The following CPPED1 variants were observed in gnomAD, a reference collection of about 807,000 sequenced individuals.
CPPED1 encodes the protein serine/threonine-protein phosphatase CPPED1.
A neutral mutation model predicts 28.0 loss-of-function variants in CPPED1; 28 were observed. The ratio of observed to expected loss-of-function variants is 1.00; its 90% CI spans 0.74 to 1.37. The LOEUF is 1.37. Among genes scored for constraint, CPPED1 ranks in the 40% most tolerant of loss-of-function variants. The pLI is 0.00. For missense variants in CPPED1, 504 were observed against 416.5 expected (o/e 1.21, Z -1.83); for synonymous variants, 198 against 180.2 (o/e 1.10, Z -0.79).
At chr16:12,745,006 A>T (rs941619742) in intron 2 of CPPED1, among the ~76,000 whole-genome samples, 1 of 152,146 alleles carries the variant, frequency 6.6e-6, no homozygotes, top group Non-Finnish European at 1.5e-5. Context: ...AAAAGTAAAA[A>T]TAACAGATTA....
intron 2 of CPPED1, among the ~76,000 whole-genome samples, chr16:12,772,413 T>G (rs533595403): frequency 6.6e-6 from 1 of 152,356 alleles, no homozygotes; most frequent in South Asian, 2.1e-4. Flanking sequence ...TCCAGACTTT[T>G]GCAGCCATAT....
intron 2 of CPPED1, among the ~76,000 whole-genome samples, chr16:12,747,339 G>A (rs2080296173): frequency 6.6e-6 from 1 of 151,946 alleles, no homozygotes. Flanking sequence ...GGCTGAGGTA[G>A]GAGGATTGAT....
chr16:12,752,355 G>A (rs1240746501), intron 2 of CPPED1, among the ~76,000 whole-genome samples: 1 of 151,930 alleles, frequency 6.6e-6, no homozygotes, highest in Non-Finnish European at 1.5e-5. Flanking sequence ...TGCTTGATAA[G>A]AAACTCTTAT....
intron 2 of CPPED1, among the ~76,000 whole-genome samples, chr16:12,707,196 T>C (rs1366306096): frequency 6.6e-6 from 1 of 152,204 alleles, no homozygotes; most frequent in Non-Finnish European, 1.5e-5. Flanking sequence ...GGCTGATTCA[T>C]TACCACTTTC....
chr16:12,754,158 G>A (rs1311168958), intron 2 of CPPED1, among the ~76,000 whole-genome samples: 1 of 152,140 alleles, frequency 6.6e-6, no homozygotes, highest in African/African-American at 2.4e-5. Context: ...GGGCACACTC[G>A]GGTTCACTGT....
intron 2 of CPPED1, among the ~76,000 whole-genome samples, chr16:12,715,685 C>T (rs1373793468): frequency 6.6e-6 from 1 of 152,060 alleles, no homozygotes; most frequent in Non-Finnish European, 1.5e-5. Flanking sequence ...GCTAAGCTAT[C>T]TTCCAGATAA....
intron 2 of CPPED1, among the ~76,000 whole-genome samples, chr16:12,766,634 T>C (rs115523657): frequency 0.018 from 2,687 of 152,120 alleles, 89 homozygotes; most frequent in African/African-American, 0.061. Context: ...TCAGGTGTGG[T>C]GGCGGGCACC....
rs779313164 is a variant in CPPED1, at chr16:12,682,685, C to T, written c.716-17570G>A. 1.1e-4 allele frequency among the ~76,000 whole-genome samples: 16 copies of T among 152,246 alleles called. No homozygotes were observed. The highest frequency in any genetic ancestry group is 2.6e-4 in the Admixed American group (4 of 15,288). On this transcript the variant is annotated intron_variant, in intron 3 of 3. Coordinates refer to ENST00000381774, the MANE Select transcript of CPPED1 (RefSeq NM_018340.3). The surrounding 1 kb of genome is among the most constrained non-coding windows in gnomAD (Gnocchi z 6.1). ...CCCTGGGTGGCACAGCAGGAAGCTG[C>T]GTGTCTTGTACTCAGGCAGCACTCA...
chr16:12,729,869 T>C (rs1356708411), intron 2 of CPPED1, among the ~76,000 whole-genome samples: 2 of 152,218 alleles, frequency 1.3e-5, no homozygotes, highest in African/African-American at 4.8e-5. Flanking sequence ...GAGTTATTAT[T>C]GCTTCTTTTG....
Position 12,704,982 on chromosome 16 carries a change from GA to G in CPPED1, c.356del (p.Ile119ThrfsTer59). Reference protein sequence around the residue: ...KRVLRAVDRAIPLVLVSGNHD... With the variant: ...KRVLRAVDRAXPLVLVSGNHD... ...GGTTGCCGCTGACAAGGACCAGTGG[GA>G]TGGCCCTGTCCACTGCCCTAAGCAC... On this transcript the variant is annotated frameshift_variant, in exon 3 of 4. Coordinates refer to ENST00000381774, the MANE Select transcript of CPPED1 (RefSeq NM_018340.3). LOFTEE classifies it high-confidence loss of function. 6.2e-7 allele frequency: 1 copy of G among 1,614,232 alleles called. No homozygotes were observed. Among genetic ancestry groups the G allele is most frequent in the Non-Finnish European group, 8.5e-7 (1 of 1,180,040 alleles).
chr16:12,742,753 T>C (rs1596467524), intron 2 of CPPED1, among the ~76,000 whole-genome samples: 1 of 152,124 alleles, frequency 6.6e-6, no homozygotes, highest in East Asian at 1.9e-4. Context: ...TTGTTGGGGA[T>C]CCCAAAGATC....
At chr16:12,714,439 C>T (rs1596457054) in intron 2 of CPPED1, among the ~76,000 whole-genome samples, 1 of 152,198 alleles carries the variant, frequency 6.6e-6, no homozygotes, top group African/African-American at 2.4e-5. Context: ...TTTCCACATC[C>T]TCAACACTTG....
chr16:12,686,360 T>G (rs1011880333), intron 3 of CPPED1, among the ~76,000 whole-genome samples: 5 of 152,086 alleles, frequency 3.3e-5, no homozygotes, highest in Non-Finnish European at 7.4e-5. Flanking sequence ...TGAGCCACCA[T>G]GTCCACGAAT....
At chr16:12,691,844 A>G (rs1249786992) in intron 3 of CPPED1, among the ~76,000 whole-genome samples, 1 of 145,390 alleles carries the variant, frequency 6.9e-6, no homozygotes, top group African/African-American at 2.7e-5. Flanking sequence ...GGATAGCATT[A>G]GGAGACATGC....
intron 3 of CPPED1, among the ~76,000 whole-genome samples, chr16:12,671,315 G>A (rs1346668957): frequency 1.3e-5 from 2 of 151,996 alleles, no homozygotes; most frequent in African/African-American, 4.8e-5. Context: ...TCCTTTTTCT[G>A]TTCCAGGATC....
At chr16:12,748,690 C>G (rs1044088474) in intron 2 of CPPED1, among the ~76,000 whole-genome samples, 2 of 152,018 alleles carry the variant, frequency 1.3e-5, no homozygotes, top group African/African-American at 2.4e-5. Context: ...TCTAGACCAG[C>G]CTGACCAACA....
chr16:12,723,707 C>T (rs909668679), intron 2 of CPPED1, among the ~76,000 whole-genome samples: 1 of 152,194 alleles, frequency 6.6e-6, no homozygotes, highest in African/African-American at 2.4e-5. Context: ...GGAGGGACGA[C>T]AGTGAGGTGT....
intron 2 of CPPED1, among the ~76,000 whole-genome samples, chr16:12,780,224 G>A (rs2080521980): frequency 6.6e-6 from 1 of 152,016 alleles, no homozygotes; most frequent in Non-Finnish European, 1.5e-5. Flanking sequence ...CCTTCACCCA[G>A]GCTGGAGTGC....
At chr16:12,769,294 C>G (rs1188551784) in intron 2 of CPPED1, among the ~76,000 whole-genome samples, 1 of 152,100 alleles carries the variant, frequency 6.6e-6, no homozygotes, top group Non-Finnish European at 1.5e-5. Flanking sequence ...AACCGTATTT[C>G]AATAGAATTG....
Sources: allele counts gnomAD v4.1 joint callset (sites outside exome capture counted in the v4.1 genomes callset), GRCh38; gene constraint gnomAD v4.1.1; non-coding constraint Gnocchi (gnomAD v3.1); transcripts MANE v1.5; gene names NCBI Gene and HGNC (gene_info 2026-07-23, HGNC 2026-07-21).